NEBL: variants seen among roughly 807,000 people sequenced by gnomAD.
NEBL encodes the protein nebulette, also known as LIM and SH3 protein 2.
Under a neutral mutation model 140.2 loss-of-function variants are expected in NEBL, and 122 were observed. The ratio of observed to expected loss-of-function variants is 0.87; its 90% CI spans 0.75 to 1.01. NEBL has a LOEUF of 1.01. Among genes scored for constraint, NEBL ranks in the 50% least tolerant of loss-of-function variants. The pLI, the probability that NEBL is intolerant of heterozygous loss-of-function variation, is 0.00. For synonymous variants in NEBL, 436 were observed against 398.9 expected, an observed-to-expected ratio of 1.09 and a Z score of -1.11; for missense variants, 1,365 against 1,231.3, an observed-to-expected ratio of 1.11 and a Z score of -1.62.
intron 3 of NEBL, among the ~76,000 whole-genome samples, chr10:21,213,337 A>G (rs1483749886): frequency 6.6e-6 from 1 of 152,204 alleles, no homozygotes; most frequent in African/African-American, 2.4e-5. Flanking sequence ...TGCCCAGAGA[A>G]AGGACATTAG....
chr10:21,165,697 G>T (rs899491207), intron 2 of NEBL, among the ~76,000 whole-genome samples: 3 of 152,180 alleles, frequency 2.0e-5, no homozygotes, highest in African/African-American at 7.2e-5. Context: ...GATACAGACA[G>T]ATAAGCTCAT....
intron 2 of NEBL, among the ~76,000 whole-genome samples, chr10:21,153,855 C>T (rs1193319624): frequency 1.3e-5 from 2 of 151,992 alleles, no homozygotes; most frequent in Non-Finnish European, 2.9e-5. Flanking sequence ...CGGAAATAAA[C>T]GTAAGTCTTT....
chr10:20,813,213 T>C (rs1838351573), intron 23 of NEBL, among the ~76,000 whole-genome samples: 2 of 151,022 alleles, frequency 1.3e-5, no homozygotes, highest in Admixed American at 6.6e-5. Context: ...TGAGAGCTTG[T>C]AAAAATACAT....
At chr10:20,820,542 GA>G (rs1161084738) in intron 19 of NEBL, among the ~76,000 whole-genome samples, 1 of 152,158 alleles carries the variant, frequency 6.6e-6, no homozygotes, top group African/African-American at 2.4e-5. Flanking sequence ...AAACAGACTT[GA>G]GGTCGGGTTT....
chr10:20,920,878 T>C (rs1833549061), intron 4 of NEBL, among the ~76,000 whole-genome samples: 1 of 152,240 alleles, frequency 6.6e-6, no homozygotes, highest in African/African-American at 2.4e-5. Flanking sequence ...GAACTAATTA[T>C]ACACACACAT....
At chr10:21,143,034 A>C (rs988688717) in intron 2 of NEBL, among the ~76,000 whole-genome samples, 7 of 152,298 alleles carry the variant, frequency 4.6e-5, no homozygotes, top group South Asian at 2.1e-4. Context: ...ATTAAAGTAT[A>C]GAAATACCTA....
At chr10:21,205,957 T>C (rs1029648591) in intron 3 of NEBL, among the ~76,000 whole-genome samples, 16 of 152,318 alleles carry the variant, frequency 1.1e-4, no homozygotes, top group African/African-American at 3.4e-4. Context: ...CTGCTATGAT[T>C]AGTATCAGCA....
At chr10:20,894,301 C>A (rs531584647) in intron 2 of NEBL, among the ~76,000 whole-genome samples, 2 of 151,998 alleles carry the variant, frequency 1.3e-5, no homozygotes, top group South Asian at 2.1e-4. Context: ...GAGACTCCAT[C>A]TCTACGAAAA....
intron 2 of NEBL, among the ~76,000 whole-genome samples, chr10:21,024,226 T>C (rs1838930373): frequency 1.3e-5 from 2 of 152,224 alleles, no homozygotes; most frequent in Non-Finnish European, 1.5e-5. Context: ...TCCAATTATC[T>C]TTTTAAATCC....
chr10:21,169,786 G>A (rs1158623407), intron 2 of NEBL, among the ~76,000 whole-genome samples: 2 of 152,128 alleles, frequency 1.3e-5, no homozygotes, highest in Non-Finnish European at 2.9e-5. Context: ...AAATCCTAGG[G>A]TGCTACCCTC....
chr10:21,127,274 C>T (rs905520879), intron 2 of NEBL, among the ~76,000 whole-genome samples: 2 of 152,014 alleles, frequency 1.3e-5, no homozygotes, highest in African/African-American at 4.8e-5. Flanking sequence ...ATATCAAATA[C>T]ATAATGATGA....
intron 5 of NEBL, among the ~76,000 whole-genome samples, chr10:20,878,989 C>T (rs914007273): frequency 3.9e-5 from 6 of 152,188 alleles, no homozygotes; most frequent in Non-Finnish European, 7.3e-5. Flanking sequence ...GACCTCACCC[C>T]AGATCACCAG....
intron 3 of NEBL, among the ~76,000 whole-genome samples, chr10:20,997,231 G>A (rs1043665185): frequency 6.6e-6 from 1 of 151,802 alleles, no homozygotes; most frequent in Non-Finnish European, 1.5e-5. Flanking sequence ...ATTTACAATG[G>A]TGGGGTTGCA....
At chr10:21,050,090 T>C (rs1834705051) in intron 2 of NEBL, among the ~76,000 whole-genome samples, 1 of 152,202 alleles carries the variant, frequency 6.6e-6, no homozygotes, top group African/African-American at 2.4e-5. Flanking sequence ...CTCTAAGTTC[T>C]AGATAATTCA....
chr10:20,788,113 A>G (rs1411995061), intron 26 of NEBL, among the ~76,000 whole-genome samples: 2 of 152,182 alleles, frequency 1.3e-5, no homozygotes, highest in East Asian at 3.8e-4. Flanking sequence ...AGAAGCCAAC[A>G]CAGAAGCTAG....
chr10:20,931,103 T>A (rs1171046392), intron 4 of NEBL, among the ~76,000 whole-genome samples: 1 of 114,554 alleles, frequency 8.7e-6, no homozygotes, highest in East Asian at 2.1e-4. Flanking sequence ...TCTCAACCTT[T>A]CCTTTCCCAT....
At chr10:21,175,056 G>A (rs765637394), upstream of NEBL, 5 of 152,214 alleles carry the variant, frequency 3.3e-5, no homozygotes, top group African/African-American at 4.8e-5. Flanking sequence ...AAATCAAGTA[G>A]AAGGCTCAGG....
At chr10:21,195,120 A>C (rs1318052904) in intron 3 of NEBL, among the ~76,000 whole-genome samples, 4 of 152,140 alleles carry the variant, frequency 2.6e-5, no homozygotes, top group Non-Finnish European at 5.9e-5. Context: ...AAAATTAGAT[A>C]ATTTCCTAGC....
intron 2 of NEBL, among the ~76,000 whole-genome samples, chr10:21,161,478 C>G (rs764114062): frequency 2.0e-5 from 3 of 152,156 alleles, no homozygotes; most frequent in Non-Finnish European, 2.9e-5. Context: ...AATTTCTGAG[C>G]ACACAGCACG....
Sources: gnomAD v4.1 joint callset for allele counts (sites outside exome capture counted in the v4.1 genomes callset) on GRCh38, gnomAD v4.1.1 for gene constraint, MANE v1.5 for transcripts, NCBI Gene and HGNC (gene_info 2026-07-23, HGNC 2026-07-21) for gene names.